The following CSMD1 variants were observed in gnomAD, a reference collection of about 807,000 sequenced individuals.
CSMD1 encodes the protein CUB and sushi domain-containing protein 1.
In CSMD1, 213 loss-of-function variants were observed where a neutral mutation model predicts 417.5. The observed-to-expected ratio is 0.51, with a 90% CI of 0.46 to 0.57. The LOEUF is 0.57. CSMD1 is among the 20% of genes least tolerant of loss of function. The pLI is 0.00. For synonymous variants in CSMD1, 2,862 were observed against 1,736.8 expected (o/e 1.65, Z -16.11); for missense variants, 6,923 against 4,529.7 (o/e 1.53, Z -15.17).
chr8:3,830,893 A>G (rs1312362750), intron 5 of CSMD1, among the ~76,000 whole-genome samples: 2 of 152,290 alleles, frequency 1.3e-5, no homozygotes, highest in South Asian at 4.1e-4. Context: ...CACTACGTTA[A>G]TAAAATCTAT....
At position 3,875,094 on chromosome 8, in the gene CSMD1, G is replaced by C. The variant is rs79954955; in HGVS notation, c.819-121052C>G. ...GACACAGAAAGGTGCCTGGGGACCA[G>C]ATCCTAGAGGGGCTTCAGGAACACA... On this transcript the variant is annotated intron_variant, in intron 5 of 69. Transcript: ENST00000635120. 7.8e-3 allele frequency among the ~76,000 whole-genome samples: 1,184 copies of C among 151,222 alleles called. 9 individuals carry two copies. The highest frequency in any genetic ancestry group is 0.011 in the Non-Finnish European group (730 of 67,954).
chr8:3,387,340 G>T (rs1811065957), intron 18 of CSMD1, among the ~76,000 whole-genome samples, 154 bp downstream of exon 18: 1 of 152,094 alleles, frequency 6.6e-6, no homozygotes, highest in Non-Finnish European at 1.5e-5. Flanking sequence ...CAAATGATCG[G>T]GAATGATACG....
chr8:3,233,780 G>C (rs1327668611), intron 26 of CSMD1, among the ~76,000 whole-genome samples: 1 of 151,956 alleles, frequency 6.6e-6, no homozygotes, highest in African/African-American at 2.4e-5. Context: ...GTAATTCTTT[G>C]CATTCTGCTT....
chr8:4,683,578 G>C (rs1045218764), intron 1 of CSMD1, among the ~76,000 whole-genome samples: 9 of 152,160 alleles, frequency 5.9e-5, no homozygotes, highest in African/African-American at 1.7e-4. Flanking sequence ...AATCACTGTT[G>C]GTAGTGGAGC....
chr8:3,709,680 GTT>G (rs56272726), intron 6 of CSMD1, among the ~76,000 whole-genome samples: 530 of 33,624 alleles, frequency 0.016, 19 homozygotes, highest in African/African-American at 0.048. Context: ...GCAGCAGCAT[GTT>G]TTTTTTTTTT....
intron 7 of CSMD1, among the ~76,000 whole-genome samples, chr8:3,673,151 C>G (rs957517666): frequency 1.3e-5 from 2 of 152,172 alleles, no homozygotes; most frequent in Admixed American, 6.5e-5. Context: ...AAAGGAAACT[C>G]TGATGCTATG....
At chr8:4,541,843 T>C (rs530843690) in intron 2 of CSMD1, among the ~76,000 whole-genome samples, 12 of 152,202 alleles carry the variant, frequency 7.9e-5, no homozygotes, top group Non-Finnish European at 1.6e-4. Context: ...GACAAAACTG[T>C]ACAGTCAGCA....
chr8:4,652,788 G>A (rs1002060296), intron 1 of CSMD1, among the ~76,000 whole-genome samples: 1 of 152,156 alleles, frequency 6.6e-6, no homozygotes, highest in Admixed American at 6.5e-5. Flanking sequence ...TTTCTGTGAA[G>A]GGTGTGGGGA....
chr8:3,089,765 T>C (rs1814805932), intron 48 of CSMD1, among the ~76,000 whole-genome samples: 1 of 151,844 alleles, frequency 6.6e-6, no homozygotes, highest in Admixed American at 6.6e-5. Context: ...TCTCTCTCTC[T>C]CCACTTAAAC....
chr8:3,913,398 G>T (rs575819742), intron 5 of CSMD1, among the ~76,000 whole-genome samples: 1 of 152,086 alleles, frequency 6.6e-6, no homozygotes, highest in African/African-American at 2.4e-5. Flanking sequence ...TTCCAGACCA[G>T]AAGAAGCAAA....
chr8:4,653,053 G>C lies in CSMD1; in HGVS notation c.86-15495C>G, dbSNP rs976457404. ...CAGATAGGTACCTGTCCTCAGTCCA[G>C]GGCTTGGGGACCCCGCTCTAGAGGA... On this transcript the variant is annotated intron_variant, in intron 1 of 69. Coordinates refer to ENST00000635120, the MANE Select transcript of CSMD1 (RefSeq NM_033225.6). Among the ~76,000 whole-genome samples, 5 of 152,128 alleles carry C rather than the reference G, an allele frequency of 3.3e-5. No individual in the cohort carries two copies. In the East Asian group the frequency reaches 9.7e-4, roughly 29 times the overall value.
intron 26 of CSMD1, among the ~76,000 whole-genome samples, chr8:3,265,882 C>G (rs1265037653): frequency 1.3e-5 from 2 of 151,900 alleles, no homozygotes; most frequent in Non-Finnish European, 2.9e-5. Context: ...GGACTGAGAT[C>G]AGCTTCTCCA....
At chr8:4,460,018 G>A (rs968384462) in intron 2 of CSMD1, among the ~76,000 whole-genome samples, 1 of 152,084 alleles carries the variant, frequency 6.6e-6, no homozygotes, top group East Asian at 1.9e-4. Context: ...AAACCAACTG[G>A]AATGAACAGA....
At chr8:3,548,481 C>G (rs1378061977) in intron 10 of CSMD1, among the ~76,000 whole-genome samples, 1 of 151,768 alleles carries the variant, frequency 6.6e-6, no homozygotes, top group Non-Finnish European at 1.5e-5. Context: ...CGAGGTCTAC[C>G]CTGCCACTCT....
At chr8:4,260,836 C>G (rs918698056) in intron 3 of CSMD1, among the ~76,000 whole-genome samples, 2 of 152,110 alleles carry the variant, frequency 1.3e-5, no homozygotes, top group East Asian at 1.9e-4. Context: ...CACTCTTTGT[C>G]TCCAATAATT....
chr8:4,251,714 C>G (rs1803089961), intron 3 of CSMD1, among the ~76,000 whole-genome samples: 1 of 151,892 alleles, frequency 6.6e-6, no homozygotes, highest in Admixed American at 6.6e-5. Flanking sequence ...TGTATGTGTA[C>G]CTAGTCCTGA....
At chr8:3,164,160 T>G (rs1820070202) in intron 37 of CSMD1, among the ~76,000 whole-genome samples, 1 of 152,162 alleles carries the variant, frequency 6.6e-6, no homozygotes, top group Admixed American at 6.5e-5. Context: ...ATTGTTCATT[T>G]GAGAATCCCA....
intron 3 of CSMD1, among the ~76,000 whole-genome samples, chr8:4,263,807 T>G (rs1366774956): frequency 2.0e-5 from 3 of 152,202 alleles, no homozygotes; most frequent in Non-Finnish European, 2.9e-5. Context: ...CTCACCTAAA[T>G]TATACATATT....
chr8:4,559,226 C>T (rs1302187916), intron 2 of CSMD1, among the ~76,000 whole-genome samples: 3 of 144,198 alleles, frequency 2.1e-5, no homozygotes, highest in Non-Finnish European at 4.4e-5. Context: ...GTTGGATAAA[C>T]TTAAAATGTT....
Sources: allele counts gnomAD v4.1 joint callset (sites outside exome capture counted in the v4.1 genomes callset), GRCh38; gene constraint gnomAD v4.1.1; transcripts MANE v1.5; gene names NCBI Gene and HGNC (gene_info 2026-07-23, HGNC 2026-07-21).